Variants in BAHCC1 observed in about 807,000 individuals in gnomAD.
BAHCC1 encodes BAH domain and coiled-coil containing 1.
Under a neutral mutation model 88.2 loss-of-function variants are expected in BAHCC1, and 43 were observed. The ratio of observed to expected loss-of-function variants is 0.49; its 90% CI spans 0.38 to 0.63. The LOEUF (loss-of-function observed/expected upper bound fraction) is 0.63, where lower values mean the gene tolerates loss of function less well. Ranked by LOEUF, BAHCC1 falls within the 20% of genes least tolerant of loss-of-function variation. BAHCC1 has a pLI of 0.00. For missense variants in BAHCC1, 3,023 were observed against 1,654.8 expected (o/e 1.83, Z -14.34); for synonymous variants, 1,510 against 745.5 (o/e 2.03, Z -16.71).
chr17:81,426,906 C>T lies in BAHCC1; in HGVS notation c.285C>T (p.Ser95=). The change falls in exon 3 of 28, where the codon TCC becomes TCT. Residue 95 remains serine (S), a synonymous_variant. Transcript: ENST00000675386. ...CCACGCACCCCAGCGGCCCCAGCTC[C>T]TCCCCCCCTGAGCAGGCCTACCGTG... The part of the protein sequence containing the change: ...AASTHPSGPS[S]SPPEQAYRGS... 1 of 399,044 alleles carries T rather than the reference C, an allele frequency of 2.5e-6. No homozygotes were observed. The allele number at this position is 399,044 out of a possible 1,614,324, so 24.7% of individuals were successfully genotyped here.
chr17:81,460,017 GGCACGTGGGCGTCA>G (rs1323477002), intron 23 of BAHCC1, among the ~76,000 whole-genome samples: 1 of 152,120 alleles, frequency 6.6e-6, no homozygotes, highest in Non-Finnish European at 1.5e-5. Flanking sequence ...CTGGGAGGTG[GGCACGTGGGCGTCA>G]GCACGTGTGG....
In BAHCC1 at chr17:81,461,877, G is replaced by A. The variant is rs1555659595; in HGVS notation, c.7214G>A (p.Gly2405Asp). The A allele has an allele frequency of 2.8e-6, 2 of 726,950 alleles. No individual in the cohort carries two copies. The highest frequency in any genetic ancestry group is 5.1e-6 in the Non-Finnish European group (2 of 391,092). The allele number at this position is 726,950 out of a possible 1,614,324, so 45.0% of individuals were successfully genotyped here. Residue 2405 changes from glycine to aspartate, a missense_variant, in exon 26 of 28, where the codon GGC becomes GAC. By Grantham distance (94) the Gly-to-Asp change is moderately conservative (BLOSUM62 -1). Transcript: ENST00000675386. ...GTGGCTGGCACCGGTGCGGGCTCAG[G>A]CCCCAGCAGCAGCAGCAAATCCAAG... ...ATVAGTGAGS[G>D]PSSSSKSKLK... is the part of the protein sequence containing the mutation.
chr17:81,413,362 C>G (rs1254421175), intron 2 of BAHCC1, among the ~76,000 whole-genome samples: 3 of 152,234 alleles, frequency 2.0e-5, no homozygotes, highest in Admixed American at 2.0e-4. Flanking sequence ...TTCTCAGCCT[C>G]TGCACCCCCG....
chr17:81,460,932 G>A lies in BAHCC1; in HGVS notation c.6269G>A (p.Arg2090His), dbSNP rs377696725. Residue 2090 changes from arginine (R) to histidine (H), a missense_variant, in exon 26 of 28, where the codon CGC (arginine) becomes CAC (histidine). Coordinates refer to ENST00000675386, the MANE Select transcript of BAHCC1 (RefSeq NM_001377448.1). ...GGGGCCTCCGACCACTTCCTGGGCC[G>A]CCGTGGCAGCCCCTTGCTGAGCTGG... ...PTGASDHFLGRRGSPLLSWSA... is the reference protein window; with the variant it reads ...PTGASDHFLGHRGSPLLSWSA... 1.8e-4 allele frequency: 140 copies of A among 769,800 alleles called. 1 individual carries two copies. Among genetic ancestry groups the A allele is most frequent in the South Asian group, 9.6e-4 (72 of 74,624 alleles). The allele number at this position is 769,800 out of a possible 1,614,324, so 47.7% of individuals were successfully genotyped here.
At chr17:81,403,810 C>T (rs2063846209) in intron 2 of BAHCC1, among the ~76,000 whole-genome samples, 1 of 152,198 alleles carries the variant, frequency 6.6e-6, no homozygotes, top group Admixed American at 6.5e-5. Context: ...CTACGGGAAT[C>T]CGGGAATGTG....
In BAHCC1 at chr17:81,461,572, G is replaced by T. The variant is rs2279156; in HGVS notation, c.6909G>T (p.Ala2303=). The change falls in exon 26 of 28, where the codon GCG becomes GCT. Residue 2303 remains alanine (A), a synonymous_variant. Coordinates refer to ENST00000675386, the MANE Select transcript of BAHCC1 (RefSeq NM_001377448.1). ...SDEDEDGPGL[A]AGVPSRFLAR... is the part of the protein sequence containing the mutation. ...AGGACGAGGACGGGCCGGGGCTGGC[G>T]GCCGGCGTGCCCTCCCGCTTCCTCG... 1 of 720,274 alleles carries T rather than the reference G, an allele frequency of 1.4e-6. No homozygotes were observed. Among genetic ancestry groups the T allele is most frequent in the Admixed American group, 2.0e-5 (1 of 50,122 alleles). The allele number at this position is 720,274 out of a possible 1,614,324, so 44.6% of individuals were successfully genotyped here.
At chr17:81,398,974 C>G (rs782227386) in intron 1 of BAHCC1, among the ~76,000 whole-genome samples, 1 of 151,292 alleles carries the variant, frequency 6.6e-6, no homozygotes, top group East Asian at 1.9e-4. Context: ...AATAAAATTA[C>G]TCGCTTAATT....
At chr17:81,422,062 A>T (rs1598468507) in intron 2 of BAHCC1, 1 of 278,476 alleles carries the variant, frequency 3.6e-6, no homozygotes, top group Non-Finnish European at 7.5e-6. Flanking sequence ...TCCAGGCGGG[A>T]GGGCAGTGGA....
At chr17:81,455,784 G>T (rs1299646230) in intron 15 of BAHCC1, among the ~76,000 whole-genome samples, 1 of 151,626 alleles carries the variant, frequency 6.6e-6, no homozygotes, top group Admixed American at 6.6e-5. Flanking sequence ...GGTGTGGGGG[G>T]GCTCCCCACG....
At chr17:81,429,737 C>T (rs2064239096) in intron 3 of BAHCC1, among the ~76,000 whole-genome samples, 1 of 152,178 alleles carries the variant, frequency 6.6e-6, no homozygotes, top group Non-Finnish European at 1.5e-5. Context: ...GGTGCCTGGC[C>T]AAGCCAGCTT....
At position 81,461,988 on chromosome 17, in the gene BAHCC1, A is replaced by C. The variant is rs1555659646; in HGVS notation, c.7325A>C (p.Lys2442Thr). ...QRPPSVENRP[K>T]ISAFLPARQL... Reference sequence around the variant, plus strand: ...CCGCCCTCCGTGGAAAACCGGCCAAAGATCTCAGCCTTCCTGCCCGCCCGG... The same window carrying C: ...CCGCCCTCCGTGGAAAACCGGCCAACGATCTCAGCCTTCCTGCCCGCCCGG... The change falls in exon 26 of 28, where the codon AAG becomes ACG. Residue 2442 changes from lysine to threonine, a missense_variant. Lys to Thr is a moderately conservative substitution (Grantham distance 78, BLOSUM62 -1). Coordinates refer to ENST00000675386, the MANE Select transcript of BAHCC1 (RefSeq NM_001377448.1). The C allele has an allele frequency of 1.3e-6, 1 of 777,504 alleles. No individual in the cohort carries two copies. Among genetic ancestry groups the C allele is most frequent in the African/African-American group, 1.7e-5 (1 of 59,142 alleles). 48.2% of individuals were successfully genotyped at this position (777,504 alleles called of 1,614,324 possible).
rs570774183 is a variant in BAHCC1, at chr17:81,405,739, C to G, written c.178+5822C>G. The stretch of plus-strand genomic sequence containing the variant: ...TTCTGGAAGAGGCTTCTGGGCCCCC[C>G]GGTCTGGCTTCCTCCCTACCATAAA... On this transcript the variant is annotated intron_variant, in intron 2 of 27. Transcript: ENST00000675386. 4.9e-4 allele frequency among the ~76,000 whole-genome samples: 74 copies of G among 152,318 alleles called. No individual in the cohort carries two copies. The Middle Eastern group carries it at 0.01, about 21-fold the overall frequency.
chr17:81,460,433 G>A, intron 24 of BAHCC1, 37 bp downstream of exon 24: 1 of 737,382 alleles, frequency 1.4e-6, no homozygotes, highest in Middle Eastern at 2.3e-4. Context: ...GGCCCTGCCT[G>A]GGCTCCACTG....
rs782266436 is a variant in BAHCC1, at chr17:81,419,788, CGT to C, written c.179-7011_179-7010del. ...TGGAGCTGCCGCCATCTCAACGAGGCGTTTTTTTTTTTTTTTTTTTTTACAAC... is the reference window on the plus strand; with the variant it reads ...TGGAGCTGCCGCCATCTCAACGAGGCTTTTTTTTTTTTTTTTTTTTACAAC... On this transcript the variant is annotated intron_variant, in intron 2 of 27. Coordinates refer to ENST00000675386, the MANE Select transcript of BAHCC1 (RefSeq NM_001377448.1). 4.4e-4 allele frequency among the ~76,000 whole-genome samples: 45 copies of C among 102,292 alleles called. 9 individuals are homozygous for C. Among genetic ancestry groups the C allele is most frequent in the Admixed American group, 7.1e-4 (7 of 9,838 alleles). 67.1% of individuals were successfully genotyped at this position (102,292 alleles called of 152,430 possible).
intron 2 of BAHCC1, among the ~76,000 whole-genome samples, chr17:81,409,812 G>A (rs1027139149): frequency 1.3e-4 from 20 of 152,326 alleles, no homozygotes; most frequent in East Asian, 9.7e-4. Context: ...CTGTGCCAGC[G>A]AGGGGGAGAC....
intron 2 of BAHCC1, chr17:81,415,698 C>T: frequency 2.7e-6 from 1 of 375,570 alleles, no homozygotes; most frequent in Non-Finnish European, 5.2e-6. Flanking sequence ...AGGTGGAGCT[C>T]TCCCGGCCAA....
At chr17:81,440,794 C>G (rs1555652379) in intron 4 of BAHCC1, among the ~76,000 whole-genome samples, 1 of 152,202 alleles carries the variant, frequency 6.6e-6, no homozygotes, top group Admixed American at 6.5e-5. Flanking sequence ...CTGCTGCTCT[C>G]TGCCCCCGGA....
Position 81,451,670 on chromosome 17 carries a change from G to A in BAHCC1, c.3979G>A (p.Glu1327Lys). Reference protein sequence around the residue: ...RQRSERTVPEEEEDVLAFNLQ... With the variant: ...RQRSERTVPEKEEDVLAFNLQ... ...GCTGACCTTCCCATGCCGCACAGAG[G>A]AGGAAGAGGACGTGCTAGCCTTCAA... Residue 1327 changes from glutamate (E) to lysine (K), a missense_variant and splice_region_variant, in exon 12 of 28, where the codon GAG becomes AAG. By Grantham distance (56) the Glu-to-Lys change is moderately conservative. Transcript: ENST00000675386. The A allele has an allele frequency of 1.3e-6, 1 of 775,484 alleles. No individual in the cohort carries two copies. The highest frequency in any genetic ancestry group is 2.4e-5 in the East Asian group (1 of 41,230). The allele number at this position is 775,484 out of a possible 1,614,324, so 48.0% of individuals were successfully genotyped here.
chr17:81,406,144 T>G (rs530260319), intron 2 of BAHCC1, among the ~76,000 whole-genome samples: 1 of 152,312 alleles, frequency 6.6e-6, no homozygotes, highest in African/African-American at 2.4e-5. Context: ...AAAGAAGCCC[T>G]CCCTCAAGAC....
Sources: gnomAD v4.1 joint callset for allele counts (sites outside exome capture counted in the v4.1 genomes callset) on GRCh38, gnomAD v4.1.1 for gene constraint, MANE v1.5 for transcripts, NCBI Gene and HGNC (gene_info 2026-07-23, HGNC 2026-07-21) for gene names.